SLC47A1: variants seen among roughly 807,000 people sequenced by gnomAD.
The protein encoded by SLC47A1 is multidrug and toxin extrusion protein 1.
Under a neutral mutation model 65.8 loss-of-function variants are expected in SLC47A1, and 58 were observed. The observed-to-expected ratio is 0.88, with a 90% CI of 0.71 to 1.10. The LOEUF (loss-of-function observed/expected upper bound fraction) is 1.10. SLC47A1 is among the 50% of genes least tolerant of loss of function. The pLI, the probability that SLC47A1 is intolerant of heterozygous loss-of-function variation, is 0.00. For missense variants in SLC47A1, 706 were observed against 719.2 expected (o/e 0.98, Z 0.21); for synonymous variants, 285 against 295.0 (o/e 0.97, Z 0.35).
chr17:19,553,511 C>G (rs1371247614), intron 6 of SLC47A1, among the ~76,000 whole-genome samples: 2 of 151,402 alleles, frequency 1.3e-5, no homozygotes, highest in African/African-American at 4.9e-5. Context: ...CCTCCCAATC[C>G]TCCATGCCAC....
intron 7 of SLC47A1, 50 bp downstream of exon 7, chr17:19,555,359 G>C (rs746338418): frequency 6.3e-7 from 1 of 1,593,082 alleles, no homozygotes; most frequent in Non-Finnish European, 8.6e-7. Flanking sequence ...CTTGCATGTG[G>C]TTTTTCCAGG....
chr17:19,541,030 AGCAGTTTTGGGGTGGCT>A (rs1380390015), intron 1 of SLC47A1, among the ~76,000 whole-genome samples: 2 of 152,156 alleles, frequency 1.3e-5, no homozygotes, highest in African/African-American at 4.8e-5. Flanking sequence ...GTCCTGACGT[AGCAGTTTTGGGGTGGCT>A]GCAGAGCTGG....
chr17:19,576,605 C>G (rs1567579981), intron 16 of SLC47A1, among the ~76,000 whole-genome samples: 1 of 152,008 alleles, frequency 6.6e-6, no homozygotes, highest in African/African-American at 2.4e-5. Context: ...CCTCAGCATC[C>G]CAAAGTGTTG....
rs774809235 is a variant in SLC47A1 at position 19,549,646 on chromosome 17, C to T, written c.467C>T (p.Thr156Ile). The change falls in exon 5 of 17, where the codon ACC becomes ATC. Residue 156 changes from threonine to isoleucine, a missense_variant. By Grantham distance (89) the Thr-to-Ile change is moderately conservative (BLOSUM62 -1). Coordinates refer to ENST00000270570, the MANE Select transcript of SLC47A1 (RefSeq NM_018242.3). ...QDPDVSRLTQ[T>I]YVTIFIPALP... ...TTTTCGTTATTTAGGCTTACCCAGA[C>T]CTATGTCACGATCTTCATTCCAGCT... The T allele has an allele frequency of 2.5e-6, 4 of 1,614,148 alleles. No individual in the cohort carries two copies. The highest frequency in any genetic ancestry group is 2.2e-5 in the East Asian group (1 of 44,890).
At position 19,534,043 on chromosome 17, in the gene SLC47A1, T is replaced by C; in HGVS notation, c.104T>C (p.Leu35Pro). Residue 35 changes from leucine (L) to proline (P), a missense_variant, in exon 1 of 17, where the codon CTG (leucine) becomes CCG (proline). By Grantham distance (98) the Leu-to-Pro change is moderately conservative (BLOSUM62 -3). Transcript: ENST00000270570. Reference sequence around the variant, plus strand: ...CGGCTGTCCGCCTTCCGAGAAGAGCTGCGGGCGCTCTTGGTCCTGGCTGGC... The same window carrying C: ...CGGCTGTCCGCCTTCCGAGAAGAGCCGCGGGCGCTCTTGGTCCTGGCTGGC... ...CLRLSAFREELRALLVLAGPA... is the reference protein window; with the variant it reads ...CLRLSAFREEPRALLVLAGPA... The C allele has an allele frequency of 6.5e-7, 1 of 1,547,594 alleles. No homozygotes were observed. Among genetic ancestry groups the C allele is most frequent in the East Asian group, 2.5e-5 (1 of 40,634 alleles).
At chr17:19,555,510 G>A in intron 7 of SLC47A1, 83 bp from the exon 8 acceptor site, 2 of 1,440,894 alleles carry the variant, frequency 1.4e-6, no homozygotes, top group Non-Finnish European at 1.9e-6. Flanking sequence ...AGCACGGGAA[G>A]GGATGAGTCT....
chr17:19,544,680 G>A (rs974979743), intron 2 of SLC47A1, among the ~76,000 whole-genome samples: 3 of 152,226 alleles, frequency 2.0e-5, no homozygotes, highest in Non-Finnish European at 4.4e-5. Context: ...CCCAGGGTAC[G>A]GACGCAGGCC....
chr17:19,568,265 T>C (rs529909172), intron 14 of SLC47A1, among the ~76,000 whole-genome samples: 1 of 152,316 alleles, frequency 6.6e-6, no homozygotes, highest in East Asian at 1.9e-4. Context: ...TAATTAAAAA[T>C]ACAGGAGTTG....
intron 2 of SLC47A1, among the ~76,000 whole-genome samples, chr17:19,545,861 A>G (rs1407924508): frequency 6.6e-6 from 1 of 152,140 alleles, no homozygotes; most frequent in Non-Finnish European, 1.5e-5. Flanking sequence ...GGGGATGTAC[A>G]TGGCCAGTGT....
chr17:19,542,248 T>C (rs1916169047), intron 1 of SLC47A1, 145 bp from the exon 2 acceptor site: 1 of 474,914 alleles, frequency 2.1e-6, no homozygotes, highest in South Asian at 5.3e-5. Context: ...AATTGTACAT[T>C]TGCCTGTGAA....
intron 1 of SLC47A1, among the ~76,000 whole-genome samples, chr17:19,539,882 G>A (rs1597492658): frequency 1.3e-5 from 2 of 152,088 alleles, no homozygotes; most frequent in Non-Finnish European, 2.9e-5. Context: ...CACCCAAAGG[G>A]CTTGAAACCA....
In SLC47A1 at chr17:19,567,312, G is replaced by A. The variant is rs536051079; in HGVS notation, c.1309+84G>A. 16 of 1,584,064 alleles carry A rather than the reference G, an allele frequency of 1.0e-5. 1 individual carries two copies. In the South Asian group the frequency reaches 1.7e-4, roughly 17 times the overall value. ...CGGAGCACACGGGTCTTTGACTGAG[G>A]CTCACCTCTGAAACTCGGGAGCTCG... is the stretch of plus-strand genomic sequence containing the variant. On this transcript the variant is annotated intron_variant, in intron 14 of 16. Coordinates refer to ENST00000270570, the MANE Select transcript of SLC47A1 (RefSeq NM_018242.3).
intron 12 of SLC47A1, among the ~76,000 whole-genome samples, chr17:19,563,379 G>A (rs1002591310): frequency 5.9e-5 from 9 of 151,740 alleles, no homozygotes; most frequent in East Asian, 3.9e-4. Context: ...TGATCCGCCC[G>A]CCTCGGCCTC....
chr17:19,565,356 T>A (rs1015456923), intron 12 of SLC47A1, among the ~76,000 whole-genome samples: 9 of 152,164 alleles, frequency 5.9e-5, no homozygotes, highest in African/African-American at 1.9e-4. Flanking sequence ...TGGCATCATC[T>A]TAAAAGAAGG....
At chr17:19,534,298 T>G in intron 1 of SLC47A1, 2 of 511,290 alleles carry the variant, frequency 3.9e-6, no homozygotes. Context: ...CGCGGGGCAC[T>G]GCGGGAACGG....
Position 19,578,009 on chromosome 17 carries a change from G to A in SLC47A1, c.*456G>A. 1 of 1,256,944 alleles carries A rather than the reference G, an allele frequency of 8.0e-7. No homozygotes were observed. Among genetic ancestry groups the A allele is most frequent in the Non-Finnish European group, 1.0e-6 (1 of 960,998 alleles). The allele number at this position is 1,256,944 out of a possible 1,614,324, so 77.9% of individuals were successfully genotyped here. A position where few individuals can be genotyped will look rare whatever the true frequency, so the allele number is the denominator to read the frequency against. On this transcript the variant is annotated 3_prime_UTR_variant, in exon 17 of 17. Transcript: ENST00000270570. Reference sequence around the variant, plus strand: ...TTAATTTTTTTTTTAATAGACGGAAGTCTTGCTCTGTCATGCAGGCTGGAG... The same window carrying A: ...TTAATTTTTTTTTTAATAGACGGAAATCTTGCTCTGTCATGCAGGCTGGAG...
intron 12 of SLC47A1, among the ~76,000 whole-genome samples, chr17:19,563,968 G>A (rs1338973393): frequency 1.3e-5 from 2 of 150,796 alleles, no homozygotes; most frequent in Non-Finnish European, 2.9e-5. Flanking sequence ...CAGCCTGGGC[G>A]ACAGAGCGAG....
At chr17:19,542,226 C>T (rs1250943187) in intron 1 of SLC47A1, among the ~76,000 whole-genome samples, 167 bp from the exon 2 acceptor site, 1 of 152,184 alleles carries the variant, frequency 6.6e-6, no homozygotes, top group African/African-American at 2.4e-5. Flanking sequence ...GCCTCCCATC[C>T]CCAGCCCCAG....
At chr17:19,576,181 C>A (rs1210339262) in intron 16 of SLC47A1, among the ~76,000 whole-genome samples, 1 of 150,998 alleles carries the variant, frequency 6.6e-6, no homozygotes, top group East Asian at 2.0e-4. Flanking sequence ...AAGTCTCTTT[C>A]AAGGCCTGTT....
Sources: gnomAD v4.1 joint callset for allele counts (sites outside exome capture counted in the v4.1 genomes callset) on GRCh38, gnomAD v4.1.1 for gene constraint, MANE v1.5 for transcripts, NCBI Gene and HGNC (gene_info 2026-07-23, HGNC 2026-07-21) for gene names.